The following SCEL variants were observed in gnomAD, a reference collection of about 807,000 sequenced individuals.
SCEL encodes sciellin.
A neutral mutation model predicts 117.6 loss-of-function variants in SCEL; 113 were observed. The ratio of observed to expected loss-of-function variants is 0.96; its 90% CI spans 0.83 to 1.12. SCEL has a LOEUF of 1.12. Ranked by LOEUF, SCEL falls within the 50% of genes most tolerant of loss-of-function variation. SCEL has a pLI of 0.00. For missense variants in SCEL, 785 were observed against 810.8 expected (o/e 0.97, Z 0.39); for synonymous variants, 270 against 256.2 (o/e 1.05, Z -0.51).
chr13:77,639,907 A>G (rs913096808), intron 30 of SCEL, among the ~76,000 whole-genome samples: 1 of 152,150 alleles, frequency 6.6e-6, no homozygotes, highest in Non-Finnish European at 1.5e-5. Context: ...TTAAAAAAGG[A>G]AAAGGATCCT....
chr13:77,608,153 C>T (rs780037172), intron 20 of SCEL, 38 bp downstream of exon 20: 1 of 1,504,246 alleles, frequency 6.6e-7, no homozygotes, highest in South Asian at 1.2e-5. Flanking sequence ...TTCCCCTTCC[C>T]CATCCATTTG....
chr13:77,594,421 C>A (rs894415012), intron 12 of SCEL, among the ~76,000 whole-genome samples: 1 of 152,208 alleles, frequency 6.6e-6, no homozygotes, highest in Admixed American at 6.5e-5. Context: ...ACATGGTAGC[C>A]TTTTCCAGCC....
rs772440534 is a variant in SCEL at position 77,589,179 on chromosome 13, C to T, written c.581C>T (p.Pro194Leu). 6.2e-7 allele frequency: 1 copy of T among 1,613,182 alleles called. No individual in the cohort carries two copies. The highest frequency in any genetic ancestry group is 1.1e-5 in the South Asian group (1 of 91,046). ...PGVHPPIPPK[P>L]SSPVSSPNQL... ...GTTCACCCTCCAATACCTCCAAAGC[C>T]CAGTTCTCCTGTTTCTTCTCCTAAC... The change falls in exon 10 of 33, where the codon CCC becomes CTC. Residue 194 changes from proline (P) to leucine (L), a missense_variant. By Grantham distance (98) the Pro-to-Leu change is moderately conservative (BLOSUM62 -3). Transcript: ENST00000349847.
At chr13:77,622,304 AG>A (rs920260695) in intron 27 of SCEL, among the ~76,000 whole-genome samples, 1 of 152,222 alleles carries the variant, frequency 6.6e-6, no homozygotes, top group Non-Finnish European at 1.5e-5. Context: ...CACATGAGAA[AG>A]GAAGAACAGT....
intron 4 of SCEL, among the ~76,000 whole-genome samples, chr13:77,560,296 G>C (rs1034656175): frequency 6.6e-6 from 1 of 151,042 alleles, no homozygotes; most frequent in Non-Finnish European, 1.5e-5. Context: ...TAATTAGCTA[G>C]GTGTGATGGT....
chr13:77,548,232 G>T (rs2154394757), intron 1 of SCEL, among the ~76,000 whole-genome samples: 1 of 152,364 alleles, frequency 6.6e-6, no homozygotes, highest in South Asian at 2.1e-4. Flanking sequence ...AGAGGCAGAA[G>T]CAGAGACTTA....
At chr13:77,566,021 A>G (rs2085267499) in intron 5 of SCEL, among the ~76,000 whole-genome samples, 1 of 152,218 alleles carries the variant, frequency 6.6e-6, no homozygotes, top group South Asian at 2.1e-4. Flanking sequence ...TAAATACAAA[A>G]TTAATCTCCC....
At chr13:77,580,168 C>G (rs539592388) in intron 9 of SCEL, among the ~76,000 whole-genome samples, 1 of 152,240 alleles carries the variant, frequency 6.6e-6, no homozygotes, top group African/African-American at 2.4e-5. Flanking sequence ...GAGCTCTGAC[C>G]ATATGCTGTA....
At chr13:77,616,396 A>C (rs2089042594) in intron 24 of SCEL, among the ~76,000 whole-genome samples, 1 of 152,022 alleles carries the variant, frequency 6.6e-6, no homozygotes, top group Non-Finnish European at 1.5e-5. Context: ...TGTCTTTCTG[A>C]CACAGTTTAG....
intron 9 of SCEL, among the ~76,000 whole-genome samples, chr13:77,585,122 A>G (rs188611936): frequency 5.3e-5 from 8 of 152,326 alleles, no homozygotes; most frequent in Non-Finnish European, 1.0e-4. Context: ...AATTCAGCCA[A>G]TCACTTCCTC....
chr13:77,567,714 A>G lies in SCEL; in HGVS notation c.325A>G (p.Lys109Glu). 1 of 1,609,004 alleles carries G rather than the reference A, an allele frequency of 6.2e-7. No individual in the cohort carries two copies. The highest frequency in any genetic ancestry group is 8.5e-7 in the Non-Finnish European group (1 of 1,177,520). Residue 109 changes from lysine to glutamate, a missense_variant, in exon 6 of 33, where the codon AAG becomes GAG. Transcript: ENST00000349847. ...CAGAAATGATGCTGCTAAAACATATAAGGCCAATACCTTGGATAACCAACT... is the reference window on the plus strand; with the variant it reads ...CAGAAATGATGCTGCTAAAACATATGAGGCCAATACCTTGGATAACCAACT... ...SDRNDAAKTY[K>E]ANTLDNQLTN...
intron 9 of SCEL, among the ~76,000 whole-genome samples, chr13:77,575,196 T>C (rs2085870410): frequency 6.6e-6 from 1 of 152,216 alleles, no homozygotes; most frequent in African/African-American, 2.4e-5. Flanking sequence ...TGTTGTATTG[T>C]GTTTTGATTA....
intron 2 of SCEL, 126 bp downstream of exon 2, chr13:77,556,044 CAA>C (rs1251702744): frequency 3.4e-6 from 2 of 588,526 alleles, no homozygotes; most frequent in Non-Finnish European, 5.9e-6. Context: ...ATTAGCATTG[CAA>C]AGTTAGGCTT....
intron 19 of SCEL, among the ~76,000 whole-genome samples, chr13:77,605,615 A>ATTCAGGTGAATTATATT (rs1476327125): frequency 2.6e-5 from 4 of 152,200 alleles, no homozygotes; most frequent in Admixed American, 1.3e-4. Flanking sequence ...AACAATAAAG[A>ATTCAGGTGAATTATATT]TTCAGGTGAA....
chr13:77,561,216 T>C (rs1256523355), intron 4 of SCEL, among the ~76,000 whole-genome samples: 1 of 152,230 alleles, frequency 6.6e-6, no homozygotes, highest in Non-Finnish European at 1.5e-5. Context: ...CTGGAACATT[T>C]AAGAACAGAA....
chr13:77,624,747 G>C (rs938332943), intron 27 of SCEL, among the ~76,000 whole-genome samples: 3 of 152,108 alleles, frequency 2.0e-5, no homozygotes, highest in Non-Finnish European at 4.4e-5. Flanking sequence ...TGGCTTTACT[G>C]GTCTTTTTTC....
intron 28 of SCEL, among the ~76,000 whole-genome samples, chr13:77,632,628 C>T (rs2090078109): frequency 6.6e-6 from 1 of 152,156 alleles, no homozygotes; most frequent in African/African-American, 2.4e-5. Flanking sequence ...AATGATAAGG[C>T]TTGATTAAGA....
rs766541099 is a variant in SCEL at position 77,634,398 on chromosome 13, C to G, written c.1711C>G (p.Gln571Glu). The change falls in exon 29 of 33, where the codon CAG becomes GAG. Residue 571 changes from glutamine (Q) to glutamate (E), a missense_variant. Transcript: ENST00000349847. ...TTGCAGCTCTAACACTGGAGCCAAGCAGGCAGGACCACAGGATACTGTTGT... is the reference window on the plus strand; with the variant it reads ...TTGCAGCTCTAACACTGGAGCCAAGGAGGCAGGACCACAGGATACTGTTGT... ...KNGSSNTGAK[Q>E]AGPQDTVVYT... 1 of 1,613,346 alleles carries G rather than the reference C, an allele frequency of 6.2e-7. No homozygotes were observed.
chr13:77,580,238 G>T (rs2086191247), intron 9 of SCEL, among the ~76,000 whole-genome samples: 1 of 152,174 alleles, frequency 6.6e-6, no homozygotes, highest in African/African-American at 2.4e-5. Context: ...TTACTAGAAG[G>T]TCAGAGCCAT....
Sources: gnomAD v4.1 joint callset for allele counts (sites outside exome capture counted in the v4.1 genomes callset) on GRCh38, gnomAD v4.1.1 for gene constraint, MANE v1.5 for transcripts, NCBI Gene and HGNC (gene_info 2026-07-23, HGNC 2026-07-21) for gene names.